ZNF676: variants seen among roughly 807,000 people sequenced by gnomAD.
The protein encoded by ZNF676 is zinc finger protein 676.
In ZNF676, 4 loss-of-function variants were observed where a neutral mutation model predicts 6.0. That is an observed-to-expected ratio of 0.67 (90% CI 0.33 to 1.53). The LOEUF (loss-of-function observed/expected upper bound fraction) is 1.53, where lower values mean the gene tolerates loss of function less well. ZNF676 is among the 40% of genes most tolerant of loss of function. The pLI is 0.06. For missense variants in ZNF676, 644 were observed against 679.7 expected (o/e 0.95, Z 0.58); for synonymous variants, 198 against 223.1 (o/e 0.89, Z 1.00).
At chr19:22,192,711 A>G (rs1163243920) in intron 2 of ZNF676, among the ~76,000 whole-genome samples, 1 of 138,708 alleles carries the variant, frequency 7.2e-6, no homozygotes, top group African/African-American at 2.9e-5. Context: ...AATTACGCGG[A>G]TATCTATGTG....
At chr19:22,183,619 C>G (rs2023791946) in intron 2 of ZNF676, among the ~76,000 whole-genome samples, 2 of 152,192 alleles carry the variant, frequency 1.3e-5, no homozygotes, top group African/African-American at 2.4e-5. Context: ...GGATTATAGG[C>G]ACGAGCCGCC....
the ZNF676 span, among the ~76,000 whole-genome samples, chr19:22,226,952 G>A: frequency 1.1e-3 from 170 of 152,038 alleles, no homozygotes; most frequent in African/African-American, 3.3e-3. Flanking sequence ...TTTTACCTTA[G>A]GTTCAAATAA....
intron 2 of ZNF676, among the ~76,000 whole-genome samples, chr19:22,190,650 TATATATATATATATAC>T (rs1181184902): frequency 2.3e-5 from 3 of 128,632 alleles, no homozygotes; most frequent in African/African-American, 1.2e-4. Flanking sequence ...TATATATATA[TATATATATATATATAC>T]ATACACACTT....
Position 22,179,592 on chromosome 19 carries a change from G to C in ZNF676, c.*358C>G. ...AGTAAGGGTTGAGAACTAATGAAAA[G>C]CTTTGCCACGTTTTTCACATTTGTA... On this transcript the variant is annotated 3_prime_UTR_variant, in exon 3 of 3. Coordinates refer to ENST00000397121, the MANE Select transcript of ZNF676 (RefSeq NM_001001411.3). 1 of 467,632 alleles carries C rather than the reference G, an allele frequency of 2.1e-6. No individual in the cohort carries two copies. The highest frequency in any genetic ancestry group is 4.1e-6 in the Non-Finnish European group (1 of 246,536). 29.0% of individuals were successfully genotyped at this position (467,632 alleles called of 1,614,324 possible).
upstream of ZNF676, among the ~76,000 whole-genome samples, chr19:22,198,394 ACAAACT>A (rs1310620733): frequency 1.3e-5 from 2 of 152,220 alleles, no homozygotes; most frequent in Admixed American, 6.6e-5. Context: ...AGCAGTTAAG[ACAAACT>A]CATTAGGGAG....
At chr19:22,241,812 C>T in the ZNF676 span, among the ~76,000 whole-genome samples, 14 of 151,898 alleles carry the variant, frequency 9.2e-5, no homozygotes, top group African/African-American at 3.2e-4. Context: ...AATGAGTCAC[C>T]ATCTCATTTG....
In ZNF676 at chr19:22,181,599, A is replaced by G. The variant is rs1599709371; in HGVS notation, c.131-13T>C. 1 of 1,505,770 alleles carries G rather than the reference A, an allele frequency of 6.6e-7. No individual in the cohort carries two copies. 93.3% of individuals were successfully genotyped at this position (1,505,770 alleles called of 1,614,324 possible). A position where few individuals can be genotyped will look rare whatever the true frequency, so the allele number is the denominator to read the frequency against. Reference sequence around the variant, plus strand: ...TGAGAACATATAACTGAAAAGAAATAAAAATAACAAATTAATCTACATATT... The same window carrying G: ...TGAGAACATATAACTGAAAAGAAATGAAAATAACAAATTAATCTACATATT... On this transcript the variant is annotated splice_polypyrimidine_tract_variant and intron_variant, in intron 2 of 2. Transcript: ENST00000397121.
upstream of ZNF676, among the ~76,000 whole-genome samples, chr19:22,216,740 C>T (rs1007288145): frequency 6.6e-6 from 1 of 151,654 alleles, no homozygotes; most frequent in African/African-American, 2.4e-5. Context: ...TCTCCTGCCT[C>T]AGCCTCCCGA....
At chr19:22,211,007 GA>G (rs1268674153) in intron 1 of ZNF676, among the ~76,000 whole-genome samples, 2 of 150,376 alleles carry the variant, frequency 1.3e-5, no homozygotes, top group South Asian at 2.1e-4. Context: ...TTTTCTCTAG[GA>G]AAAAAAGGCC....
chr19:22,197,303 A>C (rs895755365), upstream of ZNF676, among the ~76,000 whole-genome samples: 2 of 148,548 alleles, frequency 1.3e-5, no homozygotes, highest in African/African-American at 4.9e-5. Flanking sequence ...GGGCAACAAG[A>C]GTGAAACTCC....
chr19:22,258,094 A>G, the ZNF676 span, among the ~76,000 whole-genome samples: 2 of 152,138 alleles, frequency 1.3e-5, no homozygotes, highest in African/African-American at 4.8e-5. Flanking sequence ...AGCAAAGACC[A>G]GGCAGAAGAA....
chr19:22,253,262 G>GTA, the ZNF676 span, among the ~76,000 whole-genome samples: 2 of 150,770 alleles, frequency 1.3e-5, no homozygotes, highest in African/African-American at 4.9e-5. Flanking sequence ...TGCCAGCTGG[G>GTA]TACATATATG....
intron 1 of ZNF676, among the ~76,000 whole-genome samples, chr19:22,209,684 G>C (rs1292717978): frequency 3.9e-5 from 6 of 152,156 alleles, no homozygotes; most frequent in Non-Finnish European, 7.3e-5. Context: ...CGATTGGAGA[G>C]AGTGCAATGC....
the ZNF676 span, among the ~76,000 whole-genome samples, chr19:22,249,750 T>A: frequency 1.2e-5 from 1 of 83,114 alleles, no homozygotes; most frequent in Non-Finnish European, 2.4e-5. Flanking sequence ...CATTGGAATA[T>A]AAGTACAACG....
In ZNF676 at chr19:22,180,924, C is replaced by T. The variant is rs370273093; in HGVS notation, c.793G>A (p.Val265Ile). 9.1e-5 allele frequency: 69 copies of T among 758,372 alleles called. 2 individuals are homozygous for T. The East Asian group carries it at 1.2e-3, about 13-fold the overall frequency. The allele number at this position is 758,372 out of a possible 1,614,324, so 47.0% of individuals were successfully genotyped here. ...GCCTTATGTGTATTAAGGGTTGAGA[C>T]GCTACTAAATCCTTTGCCACATTCT... The part of the protein sequence containing the change: ...CEECGKGFSS[V>I]STLNTHKAIH... The change falls in exon 3 of 3, where the codon GTC becomes ATC. Residue 265 changes from valine to isoleucine, a missense_variant. This residue lies in a region of ZNF676 where 28 missense variants were observed against 83.7 expected (regional missense o/e 0.33). Coordinates refer to ENST00000397121, the MANE Select transcript of ZNF676 (RefSeq NM_001001411.3).
At chr19:22,253,399 A>ATATAT in the ZNF676 span, among the ~76,000 whole-genome samples, 3 of 40,898 alleles carry the variant, frequency 7.3e-5, no homozygotes, top group African/African-American at 2.2e-4. Context: ...TATATATGAT[A>ATATAT]ATGTGTATAT....
the ZNF676 span, among the ~76,000 whole-genome samples, chr19:22,233,529 G>A: frequency 6.6e-6 from 1 of 152,120 alleles, no homozygotes; most frequent in African/African-American, 2.4e-5. Flanking sequence ...CATGTTCTTA[G>A]GATGTGTCTT....
the ZNF676 span, chr19:22,259,576 G>T: frequency 6.6e-6 from 1 of 152,292 alleles, no homozygotes; most frequent in African/African-American, 2.4e-5. Context: ...CATGGCCCAG[G>T]CACAATTACA....
intron 1 of ZNF676, among the ~76,000 whole-genome samples, chr19:22,202,807 C>G (rs1032825193): frequency 6.6e-6 from 1 of 152,316 alleles, no homozygotes; most frequent in East Asian, 1.9e-4. Flanking sequence ...TAATCAATGA[C>G]AAAGTAAAGC....
Sources: allele counts gnomAD v4.1 joint callset (sites outside exome capture counted in the v4.1 genomes callset), GRCh38; gene constraint gnomAD v4.1.1; regional missense constraint gnomAD v4.1.1; transcripts MANE v1.5; gene names NCBI Gene and HGNC (gene_info 2026-07-23, HGNC 2026-07-21).